Variants in ZNF385B observed in about 807,000 individuals in gnomAD.
ZNF385B encodes the protein zinc finger protein 533.
A neutral mutation model predicts 39.2 loss-of-function variants in ZNF385B; 23 were observed. The observed-to-expected ratio is 0.59, with a 90% CI of 0.42 to 0.83. The LOEUF is 0.83. ZNF385B is among the 40% of genes least tolerant of loss of function. The pLI is 0.00. For missense variants in ZNF385B, 552 were observed against 598.9 expected, an observed-to-expected ratio of 0.92 and a Z score of 0.82; for synonymous variants, 205 against 222.6, an observed-to-expected ratio of 0.92 and a Z score of 0.70.
At chr2:179,777,712 G>A (rs1215400584) in intron 1 of ZNF385B, among the ~76,000 whole-genome samples, 1 of 151,354 alleles carries the variant, frequency 6.6e-6, no homozygotes, top group Admixed American at 6.6e-5. Context: ...TTACCTCAAA[G>A]AGATAATTAA....
intron 1 of ZNF385B, among the ~76,000 whole-genome samples, chr2:179,808,736 G>A (rs1490641051): frequency 6.6e-6 from 1 of 152,090 alleles, no homozygotes; most frequent in Non-Finnish European, 1.5e-5. Context: ...ACTGTGTCTA[G>A]GCCCTTAACT....
intron 3 of ZNF385B, among the ~76,000 whole-genome samples, chr2:179,719,322 C>A (rs1263979441): frequency 6.6e-6 from 1 of 152,290 alleles, no homozygotes; most frequent in East Asian, 1.9e-4. Context: ...CCCTTGCCAC[C>A]TTTAACTTTA....
intron 3 of ZNF385B, among the ~76,000 whole-genome samples, chr2:179,737,087 G>T (rs2106441878): frequency 6.6e-6 from 1 of 152,270 alleles, no homozygotes; most frequent in African/African-American, 2.4e-5. Context: ...AGTCTTTACT[G>T]TTAAGTTGTC....
intron 3 of ZNF385B, among the ~76,000 whole-genome samples, chr2:179,645,444 T>C (rs567577862): frequency 6.6e-6 from 1 of 152,252 alleles, no homozygotes; most frequent in South Asian, 2.1e-4. Context: ...ATGTACTTAA[T>C]AATAAAAAGA....
At chr2:179,841,046 A>G (rs890565777) in intron 1 of ZNF385B, among the ~76,000 whole-genome samples, 1 of 152,232 alleles carries the variant, frequency 6.6e-6, no homozygotes. Context: ...GCTGACATGG[A>G]CAAATAAAGG....
intron 4 of ZNF385B, among the ~76,000 whole-genome samples, chr2:179,518,946 C>A (rs2058289927): frequency 6.6e-6 from 1 of 152,082 alleles, no homozygotes; most frequent in African/African-American, 2.4e-5. Flanking sequence ...AATCATAAAA[C>A]AAGAAAACTT....
intron 3 of ZNF385B, among the ~76,000 whole-genome samples, chr2:179,714,066 C>T (rs1700169282): frequency 6.6e-6 from 1 of 152,152 alleles, no homozygotes; most frequent in South Asian, 2.1e-4. Context: ...AATGCCAAGT[C>T]AGTTTACTCT....
At chr2:179,513,110 C>A (rs189213259) in intron 5 of ZNF385B, among the ~76,000 whole-genome samples, 12 of 152,242 alleles carry the variant, frequency 7.9e-5, no homozygotes, top group Non-Finnish European at 1.6e-4. Flanking sequence ...ATTTTCTACA[C>A]TGAAGAGTGA....
chr2:179,808,243 A>G (rs561901572), intron 1 of ZNF385B, among the ~76,000 whole-genome samples: 24 of 152,268 alleles, frequency 1.6e-4, no homozygotes, highest in South Asian at 1.0e-3. Flanking sequence ...CGTGTTAGCC[A>G]GGATGGTCTC....
chr2:179,521,353 G>GTTTT (rs56392185), intron 4 of ZNF385B, among the ~76,000 whole-genome samples: 3,411 of 108,100 alleles, frequency 0.032, 256 homozygotes, highest in African/African-American at 0.1. Context: ...CACCTGGCCA[G>GTTTT]TTTTTTTTTT....
At chr2:179,734,615 G>T (rs1192426321) in intron 3 of ZNF385B, among the ~76,000 whole-genome samples, 3 of 152,130 alleles carry the variant, frequency 2.0e-5, no homozygotes, top group Non-Finnish European at 4.4e-5. Flanking sequence ...AACATTTTAA[G>T]TCTATGACTT....
At chr2:179,504,774 G>A (rs556289222) in intron 5 of ZNF385B, among the ~76,000 whole-genome samples, 22 of 151,132 alleles carry the variant, frequency 1.5e-4, no homozygotes, top group Middle Eastern at 3.5e-3. Flanking sequence ...AAACCCGCAC[G>A]TTGTGCACAT....
rs184751357 is a variant in ZNF385B at position 179,756,968 on chromosome 2, A to G, written c.298+12535T>C. On this transcript the variant is annotated intron_variant, in intron 3 of 9. Transcript: ENST00000410066. The stretch of plus-strand genomic sequence containing the variant: ...GAAGCCTTTTTCTCTCAACTCATCA[A>G]CGTCATTCTCTGTCCAGCTTTGTTC... 3.7e-3 allele frequency among the ~76,000 whole-genome samples: 561 copies of G among 152,154 alleles called. 5 individuals carry two copies. Among genetic ancestry groups the G allele is most frequent in the African/African-American group, 0.013 (531 of 41,498 alleles).
intron 3 of ZNF385B, among the ~76,000 whole-genome samples, chr2:179,629,232 G>A (rs1515276): frequency 0.56 from 85,640 of 151,976 alleles, 24,776 homozygotes; most frequent in African/African-American, 0.68. Flanking sequence ...GAAATTCTCA[G>A]CCAGAACAGG....
intron 6 of ZNF385B, among the ~76,000 whole-genome samples, chr2:179,472,447 T>G (rs952740424): frequency 3.9e-5 from 6 of 152,222 alleles, no homozygotes. Flanking sequence ...TATGGCCATT[T>G]TGCTTGTTAA....
intron 1 of ZNF385B, among the ~76,000 whole-genome samples, chr2:179,850,587 C>A (rs574876122): frequency 6.6e-6 from 1 of 152,140 alleles, no homozygotes; most frequent in Non-Finnish European, 1.5e-5. Flanking sequence ...CCTTCTTATT[C>A]GGAACCGGAT....
chr2:179,699,533 T>C (rs914388106), intron 3 of ZNF385B, among the ~76,000 whole-genome samples: 1 of 152,220 alleles, frequency 6.6e-6, no homozygotes, highest in Non-Finnish European at 1.5e-5. Flanking sequence ...TTATTAAATA[T>C]GTAAATAGTA....
chr2:179,456,440 A>T (rs2050716484), intron 6 of ZNF385B, among the ~76,000 whole-genome samples: 1 of 152,156 alleles, frequency 6.6e-6, no homozygotes, highest in Non-Finnish European at 1.5e-5. Context: ...TATCACTAAA[A>T]CAGAAGAATA....
At chr2:179,743,276 A>G (rs1003367488) in intron 3 of ZNF385B, among the ~76,000 whole-genome samples, 6 of 152,050 alleles carry the variant, frequency 3.9e-5, no homozygotes, top group African/African-American at 1.4e-4. Context: ...TCCCCCTGAC[A>G]ATCTGATGAT....
Sources: gnomAD v4.1 joint callset for allele counts (sites outside exome capture counted in the v4.1 genomes callset) on GRCh38, gnomAD v4.1.1 for gene constraint, MANE v1.5 for transcripts, NCBI Gene and HGNC (gene_info 2026-07-23, HGNC 2026-07-21) for gene names.